Variants in ARHGEF28 observed in about 807,000 individuals in gnomAD.
ARHGEF28 encodes the protein Rho guanine nucleotide exchange factor 28.
In ARHGEF28, 152 loss-of-function variants were observed where a neutral mutation model predicts 206.6. The ratio of observed to expected loss-of-function variants is 0.74; its 90% confidence interval spans 0.64 to 0.84. The LOEUF is 0.84. Ranked by LOEUF, ARHGEF28 falls within the 40% of genes least tolerant of loss-of-function variation. The pLI, the probability that ARHGEF28 is intolerant of heterozygous loss-of-function variation, is 0.00. For missense variants in ARHGEF28, 2,028 were observed against 2,073.2 expected (o/e 0.98, Z 0.42); for synonymous variants, 763 against 776.4 (o/e 0.98, Z 0.29).
At position 73,789,292 on chromosome 5, in the gene ARHGEF28, A is replaced by G. The variant is rs573117868; in HGVS notation, c.911-5110A>G. 6.4e-4 allele frequency among the ~76,000 whole-genome samples: 97 copies of G among 152,348 alleles called. 1 individual carries two copies. Among genetic ancestry groups the G allele is most frequent in the African/African-American group, 2.2e-3 (91 of 41,576 alleles). ...TTATGCTACATGAATCCAGTTTCAA[A>G]AGACTACATATTGTGCAATTCAATT... On this transcript the variant is annotated intron_variant, in intron 7 of 35. Transcript: ENST00000513042.
chr5:73,834,663 T>G (rs1044994494), intron 10 of ARHGEF28, among the ~76,000 whole-genome samples: 14 of 152,064 alleles, frequency 9.2e-5, no homozygotes, highest in African/African-American at 3.4e-4. Flanking sequence ...CCCATAAGAT[T>G]ATAATACCAT....
At chr5:73,771,638 C>G (rs115313253) in intron 4 of ARHGEF28, among the ~76,000 whole-genome samples, 1,609 of 151,948 alleles carry the variant, frequency 0.011, 16 homozygotes, top group Non-Finnish European at 0.016. Flanking sequence ...TACACATGCA[C>G]ATATGTGTGC....
chr5:73,806,726 G>A lies in ARHGEF28; in HGVS notation c.1024+11335G>A, dbSNP rs183358940. The stretch of plus-strand genomic sequence containing the variant: ...ATATGTACCATATATACGATATATC[G>A]TATACATCTATATGTACCATATATA... On this transcript the variant is annotated intron_variant, in intron 9 of 35. Transcript: ENST00000513042. 3.1e-3 allele frequency among the ~76,000 whole-genome samples: 433 copies of A among 139,508 alleles called. 33 individuals are homozygous for A. Among genetic ancestry groups the A allele is most frequent in the African/African-American group, 0.011 (412 of 37,542 alleles). 91.5% of individuals were successfully genotyped at this position (139,508 alleles called of 152,430 possible). A position where few individuals can be genotyped will look rare whatever the true frequency, so the allele number is the denominator to read the frequency against.
intron 21 of ARHGEF28, among the ~76,000 whole-genome samples, chr5:73,871,392 T>C (rs1263366805): frequency 6.6e-6 from 1 of 152,192 alleles, no homozygotes; most frequent in East Asian, 1.9e-4. Flanking sequence ...GAAATAATAA[T>C]TCAAAGTTGG....
chr5:73,783,972 T>A (rs1470684139), intron 7 of ARHGEF28, among the ~76,000 whole-genome samples: 1 of 152,184 alleles, frequency 6.6e-6, no homozygotes, highest in Non-Finnish European at 1.5e-5. Context: ...TGTATTTGTC[T>A]ACCCTTGAAA....
intron 20 of ARHGEF28, among the ~76,000 whole-genome samples, chr5:73,868,778 C>T (rs1268133870): frequency 6.6e-6 from 1 of 152,082 alleles, no homozygotes; most frequent in African/African-American, 2.4e-5. Flanking sequence ...TCCCAAGTAG[C>T]TAGGAGTACA....
At chr5:73,910,022 T>C in intron 34 of ARHGEF28, 125 bp downstream of exon 34, 1 of 1,342,760 alleles carries the variant, frequency 7.4e-7, no homozygotes, top group Non-Finnish European at 9.6e-7. Flanking sequence ...TGAGGATTTT[T>C]CAATTTGTAG....
chr5:73,721,364 A>T lies in ARHGEF28; in HGVS notation c.34-28473A>T, dbSNP rs1006333819. On this transcript the variant is annotated intron_variant, in intron 2 of 35. Coordinates refer to ENST00000513042, the MANE Select transcript of ARHGEF28 (RefSeq NM_001177693.2). ...GAGTCACTGCCTACATGAACCCTCT[A>T]GTGAAACCCTTGAGAAGTAAAGTAA... is the stretch of plus-strand genomic sequence containing the variant. Among the ~76,000 whole-genome samples the T allele has an allele frequency of 1.3e-4, 20 of 152,272 alleles. No individual in the cohort carries two copies. The South Asian group carries it at 3.9e-3, about 30-fold the overall frequency.
At chr5:73,933,610 T>G (rs1764256197) in intron 35 of ARHGEF28, among the ~76,000 whole-genome samples, 1 of 152,226 alleles carries the variant, frequency 6.6e-6, no homozygotes. Flanking sequence ...CCTATAGACT[T>G]TTAAAATGTT....
At chr5:73,631,776 G>A (rs1743380095) in intron 1 of ARHGEF28, among the ~76,000 whole-genome samples, 1 of 132,522 alleles carries the variant, frequency 7.5e-6, no homozygotes, top group Non-Finnish European at 1.6e-5. Flanking sequence ...CATGTTGTGT[G>A]TTTCTGACTT....
At chr5:73,898,779 A>T (rs1258313653) in intron 30 of ARHGEF28, 1 of 152,266 alleles carries the variant, frequency 6.6e-6, no homozygotes, top group Non-Finnish European at 1.5e-5. Flanking sequence ...CTATCCTGTT[A>T]TATGTATAGT....
At position 73,885,859 on chromosome 5, in the gene ARHGEF28, A is replaced by G; in HGVS notation, c.3065A>G (p.Glu1022Gly). ...RILQYTKERT[E>G]EHKDLRKALC... ...TCTTTTTCCCACGCAGAAAGAACTG[A>G]GGAACATAAAGACTTACGCAAAGCG... Residue 1022 changes from glutamate to glycine, a missense_variant, in exon 25 of 36, where the codon GAG becomes GGG. Around this residue, in one of 3 missense-constraint regions of ARHGEF28, gnomAD observed 223 missense variants for 289.9 expected, o/e 0.77. Transcript: ENST00000513042. 1.2e-6 allele frequency: 2 copies of G among 1,608,328 alleles called. No individual in the cohort carries two copies. Among genetic ancestry groups the G allele is most frequent in the Non-Finnish European group, 1.7e-6 (2 of 1,177,776 alleles).
chr5:73,806,377 TATAG>T (rs1561417250), intron 9 of ARHGEF28, among the ~76,000 whole-genome samples: 1 of 30,652 alleles, frequency 3.3e-5, no homozygotes, highest in Non-Finnish European at 4.7e-5. Context: ...ATATACTATA[TATAG>T]ATATATAGAT....
chr5:73,925,310 G>T (rs1480355935), intron 35 of ARHGEF28, among the ~76,000 whole-genome samples: 1 of 152,106 alleles, frequency 6.6e-6, no homozygotes, highest in East Asian at 1.9e-4. Context: ...TGTTCATTGT[G>T]TGGAAGGCTA....
Position 73,840,761 on chromosome 5 carries a change from G to T in ARHGEF28, c.1427+1G>T. 1 of 1,605,078 alleles carries T rather than the reference G, an allele frequency of 6.2e-7. No individual in the cohort carries two copies. The highest frequency in any genetic ancestry group is 8.5e-7 in the Non-Finnish European group (1 of 1,175,212). On this transcript the variant is annotated splice_donor_variant, in intron 11 of 35. Coordinates refer to ENST00000513042, the MANE Select transcript of ARHGEF28 (RefSeq NM_001177693.2). LOFTEE classifies it high-confidence loss of function. Reference sequence around the variant, plus strand: ...AACAAAGTCATCTAAAGAAAAGAAGGTAAGAGTCTATATTGTAGAGGAAAA... The same window carrying T: ...AACAAAGTCATCTAAAGAAAAGAAGTTAAGAGTCTATATTGTAGAGGAAAA...
At chr5:73,926,033 A>C (rs1033737074) in intron 35 of ARHGEF28, among the ~76,000 whole-genome samples, 1 of 152,204 alleles carries the variant, frequency 6.6e-6, no homozygotes, top group Non-Finnish European at 1.5e-5. Flanking sequence ...TATACTGTGA[A>C]ATAGTGATTG....
intron 4 of ARHGEF28, among the ~76,000 whole-genome samples, chr5:73,769,212 T>A (rs889387481): frequency 3.3e-5 from 5 of 152,044 alleles, no homozygotes; most frequent in Admixed American, 1.3e-4. Context: ...TGTGTGTGTG[T>A]GAGAGAGAGA....
At chr5:73,891,940 T>C (rs1239457850) in intron 26 of ARHGEF28, 112 bp from the exon 27 acceptor site, 3 of 922,466 alleles carry the variant, frequency 3.3e-6, no homozygotes, top group Non-Finnish European at 4.8e-6. Flanking sequence ...TTGAAAAGAT[T>C]GGAAGTGGAG....
chr5:73,868,090 T>G lies in ARHGEF28; in HGVS notation c.2298-10T>G. ...CTGGGGCTAACTTTGCTCCCCTCCC[T>G]CTCTCCTAGCTTCAGGAGGTCAGCC... On this transcript the variant is annotated splice_polypyrimidine_tract_variant and intron_variant, in intron 19 of 35. Coordinates refer to ENST00000513042, the MANE Select transcript of ARHGEF28 (RefSeq NM_001177693.2). 1.2e-6 allele frequency: 2 copies of G among 1,612,594 alleles called. No individual in the cohort carries two copies. The highest frequency in any genetic ancestry group is 2.2e-5 in the South Asian group (2 of 90,700).
Sources: allele counts gnomAD v4.1 joint callset (sites outside exome capture counted in the v4.1 genomes callset), GRCh38; gene constraint gnomAD v4.1.1; regional missense constraint gnomAD v4.1.1; transcripts MANE v1.5; gene names NCBI Gene and HGNC (gene_info 2026-07-23, HGNC 2026-07-21).